VMA22: variants seen among roughly 807,000 people sequenced by gnomAD.
The protein encoded by VMA22 is vacuolar ATPase assembly factor VMA22.
chr2:130,339,319 G>C, the VMA22 span: 6,681 of 1,382,768 alleles, frequency 4.8e-3, 306 homozygotes, highest in East Asian at 0.11. Flanking sequence ...AATTGGAAAG[G>C]CTTCAGGCCT....
At chr2:130,340,989 C>G in the VMA22 span, 2 of 1,613,344 alleles carry the variant, frequency 1.2e-6, no homozygotes, top group East Asian at 4.5e-5. Flanking sequence ...TGAGGGGCCT[C>G]AGAGGACTCC....
At chr2:130,340,846 C>A in the VMA22 span, 7 of 1,603,268 alleles carry the variant, frequency 4.4e-6, no homozygotes, top group East Asian at 1.6e-4. Flanking sequence ...CAGCAGTGCT[C>A]AAGTGTTCCC....
chr2:130,339,236 G>C, the VMA22 span: 3 of 1,612,372 alleles, frequency 1.9e-6, no homozygotes, highest in Non-Finnish European at 2.5e-6. Context: ...TGCAGGCCTG[G>C]AGGAAAGGAG....
the VMA22 span, chr2:130,339,462 T>C: frequency 1.4e-6 from 2 of 1,400,568 alleles, no homozygotes; most frequent in Admixed American, 2.9e-5. Context: ...GGACCCATTA[T>C]ATCACCCACC....
the VMA22 span, chr2:130,342,006 G>A: frequency 6.2e-7 from 1 of 1,613,634 alleles, no homozygotes; most frequent in African/African-American, 1.3e-5. Flanking sequence ...GCCCGCCCCA[G>A]GCGCCTACCT....
At chr2:130,341,729 T>C in the VMA22 span, 6 of 1,611,602 alleles carry the variant, frequency 3.7e-6, no homozygotes, top group African/African-American at 5.3e-5. Flanking sequence ...CTTGAACTTC[T>C]GGAGTCCCTC....
At chr2:130,340,905 C>T in the VMA22 span, 9 of 1,613,948 alleles carry the variant, frequency 5.6e-6, no homozygotes, top group Non-Finnish European at 2.5e-6. Flanking sequence ...ACGGTCCACT[C>T]ACCATCCCGG....
At chr2:130,341,776 C>G in the VMA22 span, 1 of 1,605,826 alleles carries the variant, frequency 6.2e-7, no homozygotes, top group Non-Finnish European at 8.5e-7. Context: ...GAGGATGGAG[C>G]TTTGGCAGCC....
chr2:130,339,621 T>C, the VMA22 span: 9 of 1,305,194 alleles, frequency 6.9e-6, no homozygotes, highest in African/African-American at 6.1e-5. Context: ...CTAGATGGCT[T>C]TTGCTGATGT....
At chr2:130,338,302 G>A in the VMA22 span, 2 of 152,172 alleles carry the variant, frequency 1.3e-5, no homozygotes, top group Non-Finnish European at 2.9e-5. Context: ...ACTGTTCTGT[G>A]CAGTTTGATG....
the VMA22 span, chr2:130,340,668 A>G: frequency 1.8e-6 from 1 of 547,458 alleles, no homozygotes; most frequent in Non-Finnish European, 3.3e-6. Flanking sequence ...TAAACATTAC[A>G]TGAAAAGTGT....
chr2:130,339,948 GC>G, the VMA22 span: 1 of 738,710 alleles, frequency 1.4e-6, no homozygotes, highest in Non-Finnish European at 1.9e-6. Context: ...TCTCTCTCCA[GC>G]CCAGGCCTCT....
At chr2:130,340,428 C>A in the VMA22 span, 13 of 214,402 alleles carry the variant, frequency 6.1e-5, no homozygotes, top group Admixed American at 2.6e-4. Context: ...TCTAGGCCAC[C>A]GGCCTCGGCA....
chr2:130,342,363 G>T, the VMA22 span: 1 of 701,460 alleles, frequency 1.4e-6, no homozygotes, highest in Non-Finnish European at 2.3e-6. Context: ...TCAGCCTGCT[G>T]AACTGTCGGC....
chr2:130,341,645 G>T, the VMA22 span: 1 of 1,595,876 alleles, frequency 6.3e-7, no homozygotes. Context: ...AAGGGGTTCT[G>T]CAGAAGGAAG....
the VMA22 span, chr2:130,341,753 A>G: frequency 5.6e-6 from 9 of 1,610,778 alleles, no homozygotes; most frequent in Admixed American, 1.2e-4. Context: ...GGCCTCGCTG[A>G]AGGACGAGAA....
chr2:130,339,636 G>C, the VMA22 span: 6 of 1,305,158 alleles, frequency 4.6e-6, no homozygotes, highest in Non-Finnish European at 6.1e-6. Flanking sequence ...TGATGTCTCT[G>C]CTGGAACAGC....
At chr2:130,338,554 G>C in the VMA22 span, 3 of 152,192 alleles carry the variant, frequency 2.0e-5, no homozygotes, top group African/African-American at 7.2e-5. Context: ...AAAGAGACAG[G>C]ATTTTAAAAA....
chr2:130,339,322 T>C, the VMA22 span: 3 of 1,370,816 alleles, frequency 2.2e-6, no homozygotes. Context: ...TGGAAAGGCT[T>C]CAGGCCTCTC....
Sources: allele counts gnomAD v4.1 joint callset, GRCh38; gene constraint gnomAD v4.1.1; transcripts MANE v1.5; gene names NCBI Gene and HGNC (gene_info 2026-07-23, HGNC 2026-07-21).